Variants in SCP2 observed in about 807,000 individuals in gnomAD.
SCP2 encodes the protein SCP-2/3-oxoacyl-CoA thiolase.
SCP2 carries 48 observed loss-of-function variants against 71.4 expected under a neutral mutation model. The ratio of observed to expected loss-of-function variants is 0.67; its 90% CI spans 0.53 to 0.86. The LOEUF (loss-of-function observed/expected upper bound fraction) is 0.86, where lower values mean the gene tolerates loss of function less well. Ranked by LOEUF, SCP2 falls within the 40% of genes least tolerant of loss-of-function variation. SCP2 has a pLI of 0.00. For missense variants in SCP2, 560 were observed against 655.6 expected (o/e 0.85, Z 1.59); for synonymous variants, 220 against 218.1 (o/e 1.01, Z -0.08).
chr1:52,985,760 G>A (rs867642849), intron 10 of SCP2, among the ~76,000 whole-genome samples: 3 of 152,150 alleles, frequency 2.0e-5, no homozygotes, highest in East Asian at 1.9e-4. Flanking sequence ...CTGGAAGCTC[G>A]CTCCTGTTTC....
At chr1:52,987,006 A>ATATT (rs1386745740) in intron 10 of SCP2, among the ~76,000 whole-genome samples, 3 of 110,504 alleles carry the variant, frequency 2.7e-5, no homozygotes, top group African/African-American at 1.2e-4. Flanking sequence ...ATATATATAT[A>ATATT]TTTTTTTTTT....
chr1:53,023,422 A>G (rs991304261), intron 12 of SCP2, among the ~76,000 whole-genome samples: 3 of 152,214 alleles, frequency 2.0e-5, no homozygotes, highest in Non-Finnish European at 2.9e-5. Context: ...ATACTGTACC[A>G]TAGATAATTC....
intron 13 of SCP2, among the ~76,000 whole-genome samples, chr1:53,029,157 TA>T (rs1042721012): frequency 1.5e-4 from 23 of 152,186 alleles, no homozygotes; most frequent in African/African-American, 4.8e-4. Context: ...GTAATAATCA[TA>T]CTAAGGCAAT....
chr1:52,986,986 G>A (rs1238450953), intron 10 of SCP2, among the ~76,000 whole-genome samples: 1 of 101,418 alleles, frequency 9.9e-6, no homozygotes, highest in African/African-American at 3.6e-5. Flanking sequence ...TTTTTCTTCT[G>A]TATATATATA....
intron 12 of SCP2, among the ~76,000 whole-genome samples, chr1:53,025,407 G>C (rs1281750600): frequency 1.3e-5 from 2 of 152,102 alleles, no homozygotes; most frequent in Non-Finnish European, 2.9e-5. Flanking sequence ...TTTATCTCTA[G>C]CTGGCCCTCT....
chr1:53,031,204 C>G (rs1662523973), intron 13 of SCP2, among the ~76,000 whole-genome samples: 1 of 152,034 alleles, frequency 6.6e-6, no homozygotes, highest in African/African-American at 2.4e-5. Flanking sequence ...GGCAGTATAT[C>G]AGTCATTGAA....
chr1:53,016,515 A>G (rs1661350994), intron 12 of SCP2, among the ~76,000 whole-genome samples: 1 of 152,144 alleles, frequency 6.6e-6, no homozygotes, highest in Non-Finnish European at 1.5e-5. Flanking sequence ...AAGGCAACAT[A>G]CTTTTTTCAA....
At chr1:52,975,054 T>C (rs1423451970) in intron 7 of SCP2, among the ~76,000 whole-genome samples, 1 of 152,152 alleles carries the variant, frequency 6.6e-6, no homozygotes, top group Non-Finnish European at 1.5e-5. Flanking sequence ...TAATGACCCT[T>C]TTTCTTTTTT....
intron 11 of SCP2, among the ~76,000 whole-genome samples, chr1:53,004,815 C>CTCCG (rs1660525073): frequency 6.6e-6 from 1 of 152,212 alleles, no homozygotes; most frequent in Admixed American, 6.5e-5. Context: ...TGAGCTGAAG[C>CTCCG]AGGGCAGGGC....
rs1663224472 is a variant in SCP2, at chr1:53,039,021, C to G, written c.1443C>G (p.Gly481=). The G allele has an allele frequency of 6.2e-7, 1 of 1,614,060 alleles. No homozygotes were observed. Residue 481 remains glycine, a synonymous_variant, in exon 14 of 16, where the codon GGC becomes GGG. Transcript: ENST00000371514. ...CCTGGGTGGTGGATGTGAAGAATGG[C>G]AAAGGATCAGTGCTTCCTAACTCAG... ...EATWVVDVKN[G]KGSVLPNSDK...
chr1:52,941,995 C>A, intron 2 of SCP2, 142 bp downstream of exon 2: 1 of 671,374 alleles, frequency 1.5e-6, no homozygotes, highest in Non-Finnish European at 2.7e-6. Context: ...TCTAGTGACT[C>A]ACTACAAAGG....
chr1:52,976,803 A>AGC, intron 8 of SCP2, 34 bp downstream of exon 8: 8 of 1,050,886 alleles, frequency 7.6e-6, no homozygotes, highest in Non-Finnish European at 1.2e-5. Flanking sequence ...TTAATGAGGG[A>AGC]AGTAACTGCT....
intron 11 of SCP2, among the ~76,000 whole-genome samples, chr1:53,002,917 G>C (rs1048962054): frequency 1.3e-5 from 2 of 152,126 alleles, no homozygotes; most frequent in African/African-American, 4.8e-5. Flanking sequence ...ATCCTAGGAC[G>C]ATGACTGGTA....
chr1:52,996,136 T>C (rs776912228), intron 11 of SCP2: 1 of 459,050 alleles, frequency 2.2e-6, no homozygotes, highest in African/African-American at 2.0e-5. Flanking sequence ...CAAATCTAGA[T>C]CTAGAACAGT....
chr1:52,930,914 T>C (rs1192314722), intron 1 of SCP2, among the ~76,000 whole-genome samples: 2 of 152,170 alleles, frequency 1.3e-5, no homozygotes, highest in East Asian at 3.8e-4. Context: ...AAATATTCTA[T>C]GGGTTATATG....
intron 1 of SCP2, among the ~76,000 whole-genome samples, chr1:52,938,234 C>T (rs1239347484): frequency 6.6e-6 from 1 of 152,110 alleles, no homozygotes. Flanking sequence ...CTGTTGGTAT[C>T]CTACCTTGAA....
chr1:52,980,012 C>T (rs1658341020), intron 9 of SCP2, among the ~76,000 whole-genome samples: 1 of 150,518 alleles, frequency 6.6e-6, no homozygotes, highest in African/African-American at 2.4e-5. Flanking sequence ...CTTGCTCTTT[C>T]ATCCAGGCTG....
At chr1:52,927,636 G>A (rs865945695) in intron 1 of SCP2, among the ~76,000 whole-genome samples, 171 bp downstream of exon 1, 2 of 152,200 alleles carry the variant, frequency 1.3e-5, no homozygotes, top group Non-Finnish European at 2.9e-5. Context: ...GTCTCGGGCT[G>A]GTTCCTGCGG....
chr1:53,028,842 C>G (rs61398052), intron 13 of SCP2, among the ~76,000 whole-genome samples: 1 of 152,004 alleles, frequency 6.6e-6, no homozygotes, highest in African/African-American at 2.4e-5. Flanking sequence ...GTGGTATGAT[C>G]TTGGGTCACT....
Sources: allele counts gnomAD v4.1 joint callset (sites outside exome capture counted in the v4.1 genomes callset), GRCh38; gene constraint gnomAD v4.1.1; transcripts MANE v1.5; gene names NCBI Gene and HGNC (gene_info 2026-07-23, HGNC 2026-07-21).